ODC1: variants seen among roughly 807,000 people sequenced by gnomAD.
ODC1 encodes the protein ornithine decarboxylase.
In ODC1, 18 loss-of-function variants were observed where a neutral mutation model predicts 41.5. The ratio of observed to expected loss-of-function variants is 0.43; its 90% CI spans 0.30 to 0.64. The LOEUF (loss-of-function observed/expected upper bound fraction) is 0.64, where lower values mean the gene tolerates loss of function less well. Ranked by LOEUF, ODC1 falls within the 30% of genes least tolerant of loss-of-function variation. The pLI is 0.11. For synonymous variants in ODC1, 218 were observed against 211.6 expected, an observed-to-expected ratio of 1.03 and a Z score of -0.26; for missense variants, 504 against 589.0, an observed-to-expected ratio of 0.86 and a Z score of 1.49.
chr2:10,443,166 G>A (rs1671888328), intron 8 of ODC1, 64 bp downstream of exon 8: 1 of 1,320,796 alleles, frequency 7.6e-7, no homozygotes, highest in South Asian at 1.2e-5. Context: ...CTTAAATTTT[G>A]AAATATTCCA....
At chr2:10,444,818 T>C in intron 3 of ODC1, 113 bp downstream of exon 3, 1 of 879,684 alleles carries the variant, frequency 1.1e-6, no homozygotes, top group Admixed American at 2.4e-5. Flanking sequence ...AATTAATTTC[T>C]ACATTCCATA....
At position 10,444,507 on chromosome 2, in the gene ODC1, A is replaced by T; in HGVS notation, c.243T>A (p.Ala81=). ...CACAGTCAAATCCTGTCCCGGTAGC[A>T]GCAAGGGTCTTCACGATGGCTTTGC... ...NDSKAIVKTL[A]ATGTGFDCAS... Residue 81 remains alanine (A), a synonymous_variant, in exon 4 of 12, where the codon GCT becomes GCA. Transcript: ENST00000234111. 1 of 1,613,648 alleles carries T rather than the reference A, an allele frequency of 6.2e-7. No individual in the cohort carries two copies. Among genetic ancestry groups the T allele is most frequent in the Non-Finnish European group, 8.5e-7 (1 of 1,179,890 alleles).
chr2:10,441,603 A>G lies in ODC1; in HGVS notation c.1147T>C (p.Phe383Leu). 1.2e-6 allele frequency: 2 copies of G among 1,614,222 alleles called. No individual in the cohort carries two copies. Among genetic ancestry groups the G allele is most frequent in the Non-Finnish European group, 1.7e-6 (2 of 1,180,046 alleles). ...PEMHVGDWML[F>L]ENMGAYTVAA... ...ACAGTGTAAGCGCCCATGTTTTCAA[A>G]GAGCATCCAATCACCCACATGCATT... The change falls in exon 11 of 12, where the codon TTT becomes CTT. Residue 383 changes from phenylalanine (F) to leucine (L), a missense_variant. Physicochemically the swap from Phe to Leu is conservative, Grantham distance 22. Around this residue, in one of 3 missense-constraint regions of ODC1, gnomAD observed 447 missense variants for 524.4 expected, o/e 0.85. Transcript: ENST00000234111.
rs1672098828 is a variant in ODC1, at chr2:10,448,153, A to C, written c.-160T>G. The C allele has an allele frequency of 5.6e-6, 1 of 177,294 alleles. No homozygotes were observed. The highest frequency in any genetic ancestry group is 1.2e-5 in the Non-Finnish European group (1 of 85,836). The allele number at this position is 177,294 out of a possible 1,614,324, so 11.0% of individuals were successfully genotyped here. On this transcript the variant is annotated 5_prime_UTR_variant, in exon 1 of 12. An upstream start codon of the reference 5' UTR is lost. Transcript: ENST00000234111. ...CGCCCAGGCGCCGCAGGCCAGCCCC[A>C]TGGGGAAGCGCAGACGCCGGAGCCT... is the stretch of plus-strand genomic sequence containing the variant.
chr2:10,444,284 G>A lies in ODC1; in HGVS notation c.277-17C>T. 2 of 1,562,770 alleles carry A rather than the reference G, an allele frequency of 1.3e-6. No homozygotes were observed. Among genetic ancestry groups the A allele is most frequent in the South Asian group, 2.4e-5 (2 of 81,726 alleles). On this transcript the variant is annotated splice_polypyrimidine_tract_variant and intron_variant, in intron 4 of 11. Coordinates refer to ENST00000234111, the MANE Select transcript of ODC1 (RefSeq NM_002539.3). ...TATTTCAGTCTGAAAAAGAAGAGTG[G>A]TGTCATGCTATCCATATGTGGCTTA...
intron 1 of ODC1, among the ~76,000 whole-genome samples, chr2:10,447,305 C>A (rs1558553343): frequency 6.6e-6 from 1 of 152,182 alleles, no homozygotes; most frequent in Non-Finnish European, 1.5e-5. Context: ...TTCAAACAAA[C>A]TTTGAAAAAA....
intron 1 of ODC1, among the ~76,000 whole-genome samples, chr2:10,446,499 A>G (rs949605988): frequency 3.3e-5 from 5 of 152,222 alleles, no homozygotes; most frequent in African/African-American, 1.2e-4. Context: ...GGGAATGCCA[A>G]CTGTCCTTAC....
At chr2:10,441,981 A>G (rs762952500) in intron 9 of ODC1, 31 bp downstream of exon 9, 2 of 1,613,232 alleles carry the variant, frequency 1.2e-6, no homozygotes, top group Non-Finnish European at 1.7e-6. Context: ...GCTTTCAGTT[A>G]TACATGAAGT....
At chr2:10,443,408 C>T in intron 7 of ODC1, 82 bp downstream of exon 7, 3 of 1,553,466 alleles carry the variant, frequency 1.9e-6, no homozygotes, top group East Asian at 2.3e-5. Flanking sequence ...GAACCAACTG[C>T]CATAAAAAGT....
intron 1 of ODC1, 28 bp from the exon 2 acceptor site, chr2:10,445,292 T>A: frequency 2.5e-6 from 1 of 397,432 alleles, no homozygotes. Context: ...GAATTTGCTG[T>A]CTACCTTAGG....
intron 3 of ODC1, 24 bp from the exon 4 acceptor site, chr2:10,444,671 G>T: frequency 1.3e-6 from 2 of 1,599,476 alleles, no homozygotes; most frequent in South Asian, 1.1e-5. Flanking sequence ...GGTCACAGGT[G>T]ACTCACTAGC....
At chr2:10,442,593 C>T (rs775225803) in intron 8 of ODC1, among the ~76,000 whole-genome samples, 2 of 152,296 alleles carry the variant, frequency 1.3e-5, no homozygotes, top group Non-Finnish European at 1.5e-5. Flanking sequence ...GGCTTAACTT[C>T]CTAAGTGACT....
At chr2:10,444,390 C>CA in intron 4 of ODC1, 84 bp downstream of exon 4, 1 of 1,514,634 alleles carries the variant, frequency 6.6e-7, no homozygotes, top group Non-Finnish European at 8.9e-7. Context: ...ATTTATTGCC[C>CA]AAAAAACACA....
intron 4 of ODC1, 87 bp from the exon 5 acceptor site, chr2:10,444,354 C>G: frequency 6.6e-7 from 1 of 1,510,042 alleles, no homozygotes; most frequent in African/African-American, 1.4e-5. Flanking sequence ...TCATGTACCC[C>G]CCCGCCCCAT....
intron 11 of ODC1, among the ~76,000 whole-genome samples, 182 bp downstream of exon 11, chr2:10,441,327 C>A (rs926075597): frequency 6.6e-6 from 1 of 152,308 alleles, no homozygotes; most frequent in Admixed American, 6.5e-5. Context: ...ATGGCATGAA[C>A]TTAAATATAT....
intron 11 of ODC1, 109 bp from the exon 12 acceptor site, chr2:10,440,977 G>A (rs1160843190): frequency 8.0e-6 from 10 of 1,243,980 alleles, no homozygotes; most frequent in Non-Finnish European, 1.1e-5. Flanking sequence ...TTTTTTCTGA[G>A]ACAGGGTCTT....
chr2:10,444,021 A>G, intron 5 of ODC1, 74 bp downstream of exon 5: 1 of 1,499,054 alleles, frequency 6.7e-7, no homozygotes, highest in South Asian at 1.4e-5. Flanking sequence ...AATAATCAGA[A>G]ATTTAAGTTT....
intron 8 of ODC1, 56 bp downstream of exon 8, chr2:10,443,174 C>T (rs1671888462): frequency 7.2e-7 from 1 of 1,393,110 alleles, no homozygotes; most frequent in Admixed American, 2.0e-5. Context: ...TTGAAATATT[C>T]CAAAAAGGAA....
chr2:10,441,134 G>A (rs979006178), intron 11 of ODC1, among the ~76,000 whole-genome samples: 2 of 152,042 alleles, frequency 1.3e-5, no homozygotes, highest in Admixed American at 1.3e-4. Flanking sequence ...TTAATTTTTT[G>A]TAGAGACAGG....
Sources: gnomAD v4.1 joint callset for allele counts (sites outside exome capture counted in the v4.1 genomes callset) on GRCh38, gnomAD v4.1.1 for gene constraint, gnomAD v4.1.1 regional missense constraint, MANE v1.5 for transcripts, NCBI Gene and HGNC (gene_info 2026-07-23, HGNC 2026-07-21) for gene names.